TNFSF13B: variants seen among roughly 807,000 people sequenced by gnomAD.
TNFSF13B encodes TNF superfamily member 13b, also known as tumor necrosis factor ligand superfamily member 13B.
A neutral mutation model predicts 29.1 loss-of-function variants in TNFSF13B; 8 were observed. The observed-to-expected ratio is 0.27, with a 90% CI of 0.16 to 0.50. The LOEUF (loss-of-function observed/expected upper bound fraction) is 0.50, where lower values mean the gene tolerates loss of function less well. Among genes scored for constraint, TNFSF13B ranks in the 20% least tolerant of loss-of-function variants. The pLI is 0.98. For missense variants in TNFSF13B, 248 were observed against 334.9 expected (o/e 0.74, Z 2.03); for synonymous variants, 125 against 130.8 (o/e 0.96, Z 0.30).
intron 2 of TNFSF13B, among the ~76,000 whole-genome samples, chr13:108,272,368 A>G (rs1025604339): frequency 2.0e-5 from 3 of 152,078 alleles, no homozygotes; most frequent in Non-Finnish European, 4.4e-5. Context: ...GCATTTCTCT[A>G]TAGTAAAGTG....
At chr13:108,279,438 T>C (rs1880868334) in intron 2 of TNFSF13B, among the ~76,000 whole-genome samples, 1 of 152,278 alleles carries the variant, frequency 6.6e-6, no homozygotes, top group East Asian at 1.9e-4. Context: ...TTCCACTGGA[T>C]AGAAGGTAAA....
intron 5 of TNFSF13B, among the ~76,000 whole-genome samples, chr13:108,305,996 G>C (rs760892397): frequency 2.0e-5 from 3 of 152,074 alleles, no homozygotes; most frequent in Non-Finnish European, 2.9e-5. Flanking sequence ...TTTAATGTTT[G>C]TTAGTTTCTT....
At chr13:108,279,379 A>G (rs1432171897) in intron 2 of TNFSF13B, among the ~76,000 whole-genome samples, 1 of 152,200 alleles carries the variant, frequency 6.6e-6, no homozygotes, top group Non-Finnish European at 1.5e-5. Flanking sequence ...TGCTAGAAGT[A>G]TTGTAGAAAA....
At chr13:108,281,311 T>C (rs1880947425) in intron 2 of TNFSF13B, among the ~76,000 whole-genome samples, 1 of 152,076 alleles carries the variant, frequency 6.6e-6, no homozygotes, top group South Asian at 2.1e-4. Context: ...TCAGCTGTGG[T>C]TTTTTCTATT....
chr13:108,280,190 T>G (rs1880896910), intron 2 of TNFSF13B, among the ~76,000 whole-genome samples: 1 of 152,054 alleles, frequency 6.6e-6, no homozygotes, highest in Non-Finnish European at 1.5e-5. Context: ...GTTAAAAATT[T>G]AAACCATTCG....
chr13:108,302,904 C>T (rs1881665639), intron 3 of TNFSF13B: 1 of 980,690 alleles, frequency 1.0e-6, no homozygotes, highest in Non-Finnish European at 1.2e-6. Flanking sequence ...GTGTGTTATT[C>T]AGAGAAATTT....
At chr13:108,278,150 A>T (rs1023108289) in intron 2 of TNFSF13B, among the ~76,000 whole-genome samples, 6 of 152,216 alleles carry the variant, frequency 3.9e-5, no homozygotes, top group African/African-American at 1.4e-4. Context: ...TTTTTCAATG[A>T]TAATGGCTGT....
chr13:108,274,048 A>T (rs970905492), intron 2 of TNFSF13B, among the ~76,000 whole-genome samples: 2 of 152,106 alleles, frequency 1.3e-5, no homozygotes, highest in African/African-American at 4.8e-5. Flanking sequence ...TGATTTTTTA[A>T]AATAACATTT....
chr13:108,297,391 T>C (rs1005078666), intron 3 of TNFSF13B, among the ~76,000 whole-genome samples: 9 of 145,546 alleles, frequency 6.2e-5, no homozygotes, highest in Non-Finnish European at 1.2e-4. Flanking sequence ...CATTATCTTT[T>C]AATAGCTTGA....
intron 3 of TNFSF13B, among the ~76,000 whole-genome samples, chr13:108,295,331 A>G (rs955995552): frequency 2.1e-5 from 3 of 144,082 alleles, no homozygotes; most frequent in Admixed American, 6.9e-5. Context: ...TGTGCCACCA[A>G]GCCTAGCTAT....
intron 5 of TNFSF13B, 49 bp from the exon 6 acceptor site, chr13:108,306,777 T>G (rs747924816): frequency 1.8e-6 from 2 of 1,115,616 alleles, no homozygotes; most frequent in Non-Finnish European, 2.6e-6. Flanking sequence ...GATTCTTTTC[T>G]TTTCTGTTGT....
chr13:108,292,067 T>G, intron 3 of TNFSF13B, among the ~76,000 whole-genome samples: 1 of 150,326 alleles, frequency 6.7e-6, no homozygotes, highest in Non-Finnish European at 1.5e-5. Context: ...CAACTCTCTC[T>G]AGCTCCAAAA....
chr13:108,270,556 A>G (rs1594512785), intron 2 of TNFSF13B, 132 bp downstream of exon 2: 2 of 882,986 alleles, frequency 2.3e-6, no homozygotes, highest in African/African-American at 3.4e-5. Flanking sequence ...TCCAAAGCAG[A>G]CATTGCTTTA....
In TNFSF13B at chr13:108,270,569, G is replaced by A. The variant is rs948772443; in HGVS notation, c.424+145G>A. ...CATCCAAAGCAGACATTGCTTTAGA[G>A]CAAAGCCCCAGCGCTGGCAAATGTA... is the stretch of plus-strand genomic sequence containing the variant. On this transcript the variant is annotated intron_variant, in intron 2 of 5. Coordinates refer to ENST00000375887, the MANE Select transcript of TNFSF13B (RefSeq NM_006573.5). 18 of 789,564 alleles carry A rather than the reference G, an allele frequency of 2.3e-5. No homozygotes were observed. In the African/African-American group the frequency reaches 3.0e-4, roughly 13 times the overall value. The allele number at this position is 789,564 out of a possible 1,614,324, so 48.9% of individuals were successfully genotyped here. A position where few individuals can be genotyped will look rare whatever the true frequency, so the allele number is the denominator to read the frequency against.
chr13:108,288,494 A>G (rs369573637), intron 3 of TNFSF13B, among the ~76,000 whole-genome samples: 3 of 152,204 alleles, frequency 2.0e-5, no homozygotes, highest in African/African-American at 7.2e-5. Flanking sequence ...TTAGTCTACA[A>G]TTGGGCAAAA....
intron 3 of TNFSF13B, among the ~76,000 whole-genome samples, chr13:108,289,495 C>A (rs1488384876): frequency 1.3e-5 from 2 of 150,560 alleles, no homozygotes; most frequent in African/African-American, 4.9e-5. Context: ...TGCACAGGTC[C>A]ATAAGAAGAC....
intron 2 of TNFSF13B, among the ~76,000 whole-genome samples, chr13:108,271,444 T>TCA (rs59438208): frequency 0.036 from 5,169 of 142,900 alleles, 125 homozygotes; most frequent in East Asian, 0.062. Flanking sequence ...GACCCTTCTA[T>TCA]CACACACACA....
chr13:108,291,285 T>G (rs151171643), intron 3 of TNFSF13B, among the ~76,000 whole-genome samples: 1 of 151,918 alleles, frequency 6.6e-6, no homozygotes, highest in Non-Finnish European at 1.5e-5. Flanking sequence ...AAATACGTGC[T>G]ATTTTTGTTG....
intron 2 of TNFSF13B, among the ~76,000 whole-genome samples, chr13:108,286,445 G>A (rs1235475805): frequency 1.3e-5 from 2 of 151,950 alleles, no homozygotes; most frequent in African/African-American, 2.4e-5. Context: ...ACCAAAGATT[G>A]TTTAGAATGT....
Sources: gnomAD v4.1 joint callset for allele counts (sites outside exome capture counted in the v4.1 genomes callset) on GRCh38, gnomAD v4.1.1 for gene constraint, MANE v1.5 for transcripts, NCBI Gene and HGNC (gene_info 2026-07-23, HGNC 2026-07-21) for gene names.